The following PCDH1 variants were observed in gnomAD, a reference collection of about 807,000 sequenced individuals.
PCDH1 encodes protocadherin-1.
A neutral mutation model predicts 74.6 loss-of-function variants in PCDH1; 23 were observed. The ratio of observed to expected loss-of-function variants is 0.31; its 90% CI spans 0.22 to 0.44. The LOEUF (loss-of-function observed/expected upper bound fraction) is 0.44. PCDH1 is among the 20% of genes least tolerant of loss of function. The probability of loss-of-function intolerance (pLI) is 1.00; values close to 1 mark genes in which losing one functional copy is unlikely to be tolerated. For synonymous variants in PCDH1, 647 were observed against 686.1 expected (o/e 0.94, Z 0.89); for missense variants, 1,214 against 1,641.4 (o/e 0.74, Z 4.50).
intron 1 of PCDH1, among the ~76,000 whole-genome samples, chr5:141,871,633 T>C (rs983907914): frequency 2.0e-5 from 3 of 152,222 alleles, no homozygotes; most frequent in Non-Finnish European, 4.4e-5. Flanking sequence ...TTTAGCACAA[T>C]TGTAGTTGTG....
chr5:141,873,286 C>T (rs964622657), intron 1 of PCDH1, among the ~76,000 whole-genome samples: 3 of 147,492 alleles, frequency 2.0e-5, no homozygotes, highest in African/African-American at 8.0e-5. Context: ...CCACCACGCC[C>T]GGCTAAATTT....
In PCDH1 at chr5:141,864,913, G is replaced by C. The variant is rs746315371; in HGVS notation, c.1418C>G (p.Thr473Ser). 1.9e-6 allele frequency: 3 copies of C among 1,614,160 alleles called. No homozygotes were observed. In the East Asian group the frequency reaches 6.7e-5, roughly 36 times the overall value. The change falls in exon 3 of 5, where the codon ACC becomes AGC. Residue 473 changes from threonine (T) to serine (S), a missense_variant. This residue lies in a region of PCDH1 where 836 missense variants were observed against 1,182.2 expected (regional missense o/e 0.71). Coordinates refer to ENST00000287008, the MANE Select transcript of PCDH1 (RefSeq NM_032420.5). This position sits in a 1 kb window ranked among gnomAD's most constrained non-coding sequence, Gnocchi z 5.9. The part of the protein sequence containing the change: ...PLDYEKVKDY[T>S]IEIVAVDSGN... ...AGAGTCCACAGCCACAATCTCAATG[G>C]TGTAGTCTTTGACCTTCTCGTAGTC... is the stretch of plus-strand genomic sequence containing the variant.
At position 141,863,844 on chromosome 5, in the gene PCDH1, G is replaced by A. The variant is rs201182352; in HGVS notation, c.2487C>T (p.Ser829=). 1.2e-5 allele frequency: 19 copies of A among 1,614,190 alleles called. No homozygotes were observed. The South Asian group carries it at 2.1e-4, about 18-fold the overall frequency. The part of the protein sequence containing the change: ...RTLLETLLGH[S]LDTPLDIDIA... ...TGTCAATATCCAGCGGCGTGTCCAG[G>A]CTGTGGCCCAGGAGGGTCTCCAGCA... Residue 829 remains serine (S), a synonymous_variant, in exon 3 of 5, where the codon AGC becomes AGT. Transcript: ENST00000287008. The surrounding 1 kb of genome is among the most constrained non-coding windows in gnomAD (Gnocchi z 7.5).
chr5:141,855,361 A>G (rs1408938267), intron 4 of PCDH1, among the ~76,000 whole-genome samples: 1 of 152,010 alleles, frequency 6.6e-6, no homozygotes, highest in Non-Finnish European at 1.5e-5. Flanking sequence ...GCACAAACAC[A>G]CACTCATCTA....
intron 4 of PCDH1, among the ~76,000 whole-genome samples, chr5:141,856,067 G>C (rs2126803506): frequency 6.6e-6 from 1 of 152,314 alleles, no homozygotes; most frequent in East Asian, 1.9e-4. Flanking sequence ...GGAGGGGACA[G>C]CTCTGTTGTT....
chr5:141,860,088 CTCA>C (rs1320193948), intron 3 of PCDH1, among the ~76,000 whole-genome samples: 7 of 152,176 alleles, frequency 4.6e-5, no homozygotes, highest in African/African-American at 1.7e-4. Flanking sequence ...CCTAATCCTG[CTCA>C]TCATTGACAA....
Position 141,868,620 on chromosome 5 carries a change from G to A in PCDH1, c.852C>T (p.Ser284=). 1 of 1,590,646 alleles carries A rather than the reference G, an allele frequency of 6.3e-7. No homozygotes were observed. The highest frequency in any genetic ancestry group is 8.6e-7 in the Non-Finnish European group (1 of 1,167,618). ...TATTCTCAGATAGTTCGGCCTCATA[G>A]GAGGGCCGCTCAAACTTGGGGGCGT... ...NDNAPKFERP[S]YEAELSENSP... is the part of the protein sequence containing the mutation. Residue 284 remains serine (S), a synonymous_variant, in exon 2 of 5, where the codon TCC becomes TCT. Transcript: ENST00000287008. The surrounding 1 kb of genome is among the most constrained non-coding windows in gnomAD (Gnocchi z 4.8).
rs1224379954 is a variant in PCDH1 at position 141,853,839 on chromosome 5, G to A, written c.*203C>T. On this transcript the variant is annotated 3_prime_UTR_variant, in exon 5 of 5. Transcript: ENST00000287008. The stretch of plus-strand genomic sequence containing the variant: ...CCCCATAAAGGGGAAGGGGCCCCTG[G>A]GGGCTGGGAGATGGAAATGAGGGGA... 2 of 431,296 alleles carry A rather than the reference G, an allele frequency of 4.6e-6. No individual in the cohort carries two copies. The highest frequency in any genetic ancestry group is 8.1e-6 in the Non-Finnish European group (2 of 248,170). The allele number at this position is 431,296 out of a possible 1,614,324, so 26.7% of individuals were successfully genotyped here. A position where few individuals can be genotyped will look rare whatever the true frequency, so the allele number is the denominator to read the frequency against.
At chr5:141,861,564 C>T (rs1396614806) in intron 3 of PCDH1, among the ~76,000 whole-genome samples, 3 of 152,140 alleles carry the variant, frequency 2.0e-5, no homozygotes, top group African/African-American at 7.2e-5. Context: ...TGCTGGAGAT[C>T]ACGATATGGT....
chr5:141,866,952 TC>T (rs1474722358), intron 2 of PCDH1, among the ~76,000 whole-genome samples: 3 of 152,138 alleles, frequency 2.0e-5, no homozygotes, highest in African/African-American at 7.2e-5. Flanking sequence ...ACTCCAGCTA[TC>T]CCCGCCTGGG....
rs751303598 is a variant in PCDH1, at chr5:141,863,978, G to A, written c.2353C>T (p.His785Tyr). The A allele has an allele frequency of 4.3e-6, 7 of 1,614,026 alleles. No homozygotes were observed. In the East Asian group the frequency reaches 1.3e-4, roughly 31 times the overall value. The stretch of plus-strand genomic sequence containing the variant: ...TTCACCACCAGGCGGTGTAGCCCAT[G>A]GTGGCGCCGCTCAATCTCCTTCTCC... ...TLEKEIERRHHGLHRLVVKVS... is the reference protein window; with the variant it reads ...TLEKEIERRHYGLHRLVVKVS... The change falls in exon 3 of 5, where the codon CAT (histidine) becomes TAT (tyrosine). Residue 785 changes from histidine (H) to tyrosine (Y), a missense_variant. His to Tyr is a moderately conservative substitution (Grantham distance 83). Transcript: ENST00000287008. This position sits in a 1 kb window ranked among gnomAD's most constrained non-coding sequence, Gnocchi z 7.5.
At chr5:141,856,356 G>T in intron 4 of PCDH1, 1 of 58,874 alleles carries the variant, frequency 1.7e-5, no homozygotes, top group Non-Finnish European at 3.0e-5. Flanking sequence ...GGGCCTGGGA[G>T]GTTAGACAAG....
rs903070477 is a variant in PCDH1 at position 141,865,203 on chromosome 5, G to C, written c.1128C>G (p.Thr376=). ...GGGCATTGTCATTCATGTCCTTCAC[G>C]GTCACAACCACCTGGGCACGGGCAC... The part of the protein sequence containing the change: ...PKSARAQVVV[T]VKDMNDNAPT... Residue 376 remains threonine, a synonymous_variant, in exon 3 of 5, where the codon ACC becomes ACG. Transcript: ENST00000287008. This position sits in a 1 kb window ranked among gnomAD's most constrained non-coding sequence, Gnocchi z 4.4. The C allele has an allele frequency of 1.2e-6, 2 of 1,614,084 alleles. No homozygotes were observed. The highest frequency in any genetic ancestry group is 2.2e-5 in the East Asian group (1 of 44,870).
At position 141,876,393 on chromosome 5, in the gene PCDH1, A is replaced by G. The variant is rs576401062; in HGVS notation, c.40+1830T>C. ...CGGCGCGAGCGGCGCAGCGGGCGCC[A>G]GGAGGGGGCGGGGAGGGAGCCGGCG... On this transcript the variant is annotated intron_variant, in intron 1 of 4. Transcript: ENST00000287008. Among the ~76,000 whole-genome samples the G allele has an allele frequency of 2.2e-3, 338 of 152,300 alleles. 3 individuals carry two copies. Among genetic ancestry groups the G allele is most frequent in the African/African-American group, 7.7e-3 (319 of 41,576 alleles).
At chr5:141,867,960 C>G (rs1156912467) in intron 2 of PCDH1, among the ~76,000 whole-genome samples, 1 of 152,218 alleles carries the variant, frequency 6.6e-6, no homozygotes. Flanking sequence ...TGACCCCCCA[C>G]TGAACCCCAC....
chr5:141,859,388 G>A (rs980639916), intron 3 of PCDH1, among the ~76,000 whole-genome samples: 1 of 152,102 alleles, frequency 6.6e-6, no homozygotes, highest in Non-Finnish European at 1.5e-5. Flanking sequence ...AACACTTAAT[G>A]TTCCCTCTAA....
chr5:141,855,315 TTC>T (rs1442748069), intron 4 of PCDH1, among the ~76,000 whole-genome samples: 1 of 152,024 alleles, frequency 6.6e-6, no homozygotes, highest in African/African-American at 2.4e-5. Context: ...CCCAGTGCTC[TTC>T]TTACACACCC....
chr5:141,867,207 A>T (rs1365378623), intron 2 of PCDH1, among the ~76,000 whole-genome samples: 1 of 152,040 alleles, frequency 6.6e-6, no homozygotes, highest in Non-Finnish European at 1.5e-5. Flanking sequence ...ATCCTTGCTC[A>T]GTTCTGATTC....
In PCDH1 at chr5:141,865,598, G is replaced by A. The variant is rs1308434466; in HGVS notation, c.904-171C>T. Among the ~76,000 whole-genome samples, 1 of 152,178 alleles carries A rather than the reference G, an allele frequency of 6.6e-6. No individual in the cohort carries two copies. The highest frequency in any genetic ancestry group is 6.5e-5 in the Admixed American group (1 of 15,282). ...GTGTGTCCTGCCTTTTCCCAATTCG[G>A]ACATTCTGGCAGGCATTACTAACCT... On this transcript the variant is annotated intron_variant, in intron 2 of 4. Coordinates refer to ENST00000287008, the MANE Select transcript of PCDH1 (RefSeq NM_032420.5). The surrounding 1 kb of genome is among the most constrained non-coding windows in gnomAD (Gnocchi z 4.4).
Sources: allele counts gnomAD v4.1 joint callset (sites outside exome capture counted in the v4.1 genomes callset), GRCh38; gene constraint gnomAD v4.1.1; regional missense constraint gnomAD v4.1.1; non-coding constraint Gnocchi (gnomAD v3.1); transcripts MANE v1.5; gene names NCBI Gene and HGNC (gene_info 2026-07-23, HGNC 2026-07-21).